ADGRF5: variants seen among roughly 807,000 people sequenced by gnomAD.
ADGRF5 encodes the protein G-protein coupled receptor 116.
In ADGRF5, 75 loss-of-function variants were observed where a neutral mutation model predicts 132.3. That is an observed-to-expected ratio of 0.57 (90% CI 0.47 to 0.69). The LOEUF (loss-of-function observed/expected upper bound fraction) is 0.69, where lower values mean the gene tolerates loss of function less well. Among genes scored for constraint, ADGRF5 ranks in the 30% least tolerant of loss-of-function variants. The pLI is 0.00. For missense variants in ADGRF5, 1,516 were observed against 1,630.6 expected, an observed-to-expected ratio of 0.93 and a Z score of 1.21; for synonymous variants, 629 against 597.6, an observed-to-expected ratio of 1.05 and a Z score of -0.77.
At chr6:46,862,808 A>T in intron 15 of ADGRF5, 80 bp downstream of exon 15, 1 of 881,112 alleles carries the variant, frequency 1.1e-6, no homozygotes, top group Non-Finnish European at 1.8e-6. Context: ...CACCAAACCC[A>T]TTTTCCTAAG....
At chr6:46,890,715 CA>C (rs554256966) in intron 3 of ADGRF5, among the ~76,000 whole-genome samples, 320 of 149,470 alleles carry the variant, frequency 2.1e-3, no homozygotes, top group African/African-American at 7.1e-3. Context: ...CACTCTATCT[CA>C]AAAAAAAGAA....
chr6:46,919,098 A>G (rs544057378), intron 1 of ADGRF5, among the ~76,000 whole-genome samples: 1 of 152,362 alleles, frequency 6.6e-6, no homozygotes, highest in Non-Finnish European at 1.5e-5. Flanking sequence ...GAACTTGCTA[A>G]TATCTGGACA....
chr6:46,950,735 G>T (rs557356920), intron 1 of ADGRF5, among the ~76,000 whole-genome samples: 2 of 152,218 alleles, frequency 1.3e-5, no homozygotes, highest in East Asian at 1.9e-4. Flanking sequence ...GGAAGGTCTC[G>T]ATCTCTTGAC....
At chr6:46,939,453 G>A (rs1415325704) in intron 1 of ADGRF5, among the ~76,000 whole-genome samples, 2 of 152,164 alleles carry the variant, frequency 1.3e-5, no homozygotes, top group Admixed American at 1.3e-4. Context: ...ATTAGTATAT[G>A]TGACTTCAAC....
chr6:46,900,725 T>A (rs1774673246), intron 2 of ADGRF5, among the ~76,000 whole-genome samples: 1 of 152,140 alleles, frequency 6.6e-6, no homozygotes, highest in African/African-American at 2.4e-5. Flanking sequence ...AGCTTCAGGG[T>A]TTTTTTCCTG....
intron 1 of ADGRF5, among the ~76,000 whole-genome samples, chr6:46,941,490 AAAAG>A (rs765108778): frequency 1.5e-4 from 23 of 150,362 alleles, no homozygotes; most frequent in Non-Finnish European, 2.5e-4. Flanking sequence ...GAAAAGAAAG[AAAAG>A]AAAGGCAGGC....
intron 1 of ADGRF5, among the ~76,000 whole-genome samples, chr6:46,930,507 T>G (rs1391507474): frequency 6.6e-6 from 1 of 151,938 alleles, no homozygotes; most frequent in South Asian, 2.1e-4. Context: ...AGGAGGACAA[T>G]GAGGGTAGAA....
chr6:46,900,688 C>T (rs1365957688), intron 2 of ADGRF5, among the ~76,000 whole-genome samples: 1 of 152,150 alleles, frequency 6.6e-6, no homozygotes, highest in Non-Finnish European at 1.5e-5. Flanking sequence ...GGCTTTGTGA[C>T]CTTGGGGAAG....
In ADGRF5 at chr6:46,878,374, A is replaced by T; in HGVS notation, c.1068T>A (p.Ile356=). ...TTTTCTTCTTGCACTCATATTCAAA[A>T]ATGTCTAATATCAGTTTGCAAACAT... ...GEYVCKLILD[I]FEYECKKKID... Residue 356 remains isoleucine (I), a synonymous_variant, in exon 10 of 21, where the codon ATT becomes ATA. Transcript: ENST00000283296. The T allele has an allele frequency of 6.2e-7, 1 of 1,610,372 alleles. No homozygotes were observed. The highest frequency in any genetic ancestry group is 1.1e-5 in the South Asian group (1 of 90,994).
chr6:46,915,502 A>G (rs1259797215), intron 1 of ADGRF5, among the ~76,000 whole-genome samples: 1 of 152,084 alleles, frequency 6.6e-6, no homozygotes, highest in Non-Finnish European at 1.5e-5. Context: ...AGTTATTTGC[A>G]ATGTGGCTTA....
intron 13 of ADGRF5, among the ~76,000 whole-genome samples, chr6:46,866,619 T>C (rs868156896): frequency 6.6e-6 from 1 of 152,130 alleles, no homozygotes; most frequent in Non-Finnish European, 1.5e-5. Context: ...CTTTATAGCA[T>C]GGAGGAAAAG....
chr6:46,884,070 G>T, intron 5 of ADGRF5, 25 bp downstream of exon 5: 1 of 1,595,702 alleles, frequency 6.3e-7, no homozygotes, highest in South Asian at 1.1e-5. Context: ...GCCACTCAAC[G>T]AGCATTTAAT....
intron 1 of ADGRF5, among the ~76,000 whole-genome samples, chr6:46,920,849 C>A (rs1197153263): frequency 6.6e-6 from 1 of 151,836 alleles, no homozygotes; most frequent in African/African-American, 2.4e-5. Context: ...GGCGACAGAG[C>A]AAGACTCCAT....
Position 46,872,020 on chromosome 6 carries a change from T to C in ADGRF5, c.1241-7A>G, listed in dbSNP as rs772134503. 1.3e-5 allele frequency: 21 copies of C among 1,576,520 alleles called. No homozygotes were observed. Among genetic ancestry groups the C allele is most frequent in the Non-Finnish European group, 1.7e-5 (20 of 1,153,940 alleles). ...ATGTCTGTCTCAGGGGTTCCTATAA[T>C]GAGAAGCAAATTGTTGCCATCCCAG... is the stretch of plus-strand genomic sequence containing the variant. On this transcript the variant is annotated splice_polypyrimidine_tract_variant and splice_region_variant and intron_variant, in intron 10 of 20. Transcript: ENST00000283296.
intron 2 of ADGRF5, among the ~76,000 whole-genome samples, chr6:46,901,180 C>T (rs538746863): frequency 2.6e-5 from 4 of 152,274 alleles, no homozygotes; most frequent in African/African-American, 7.2e-5. Flanking sequence ...AAAGAATAGG[C>T]ATTGATCAGT....
chr6:46,869,210 C>G, intron 11 of ADGRF5, 118 bp from the exon 12 acceptor site: 1 of 1,505,596 alleles, frequency 6.6e-7, no homozygotes, highest in Non-Finnish European at 8.8e-7. Context: ...AAAAATGAAC[C>G]ATCCTGACTC....
chr6:46,902,101 T>C (rs893700641), intron 2 of ADGRF5, among the ~76,000 whole-genome samples: 2 of 152,216 alleles, frequency 1.3e-5, no homozygotes, highest in African/African-American at 2.4e-5. Context: ...AGTGAAGTTA[T>C]TTTAGATGTA....
At position 46,858,821 on chromosome 6, in the gene ADGRF5, C is replaced by T. The variant is rs753738420; in HGVS notation, c.3082G>A (p.Ala1028Thr). The change falls in exon 17 of 21, where the codon GCA becomes ACA. Residue 1028 changes from alanine (A) to threonine (T), a missense_variant. Coordinates refer to ENST00000283296, the MANE Select transcript of ADGRF5 (RefSeq NM_001098518.2). The part of the protein sequence containing the change: ...VGVGFSILSL[A>T]ACLVVEAVVW... The stretch of plus-strand genomic sequence containing the variant: ...ACAGCTTCCACAACTAGACAGGCTG[C>T]CAAGCTCAAGATGGAAAAGCCCACC... 5.0e-6 allele frequency: 8 copies of T among 1,613,974 alleles called. No homozygotes were observed. Among genetic ancestry groups the T allele is most frequent in the Non-Finnish European group, 5.1e-6 (6 of 1,179,994 alleles).
At chr6:46,898,422 G>T (rs547367694) in intron 3 of ADGRF5, among the ~76,000 whole-genome samples, 1 of 152,192 alleles carries the variant, frequency 6.6e-6, no homozygotes, top group South Asian at 2.1e-4. Flanking sequence ...TCGGGATGGG[G>T]TAGAGGTAAT....
Sources: gnomAD v4.1 joint callset for allele counts (sites outside exome capture counted in the v4.1 genomes callset) on GRCh38, gnomAD v4.1.1 for gene constraint, MANE v1.5 for transcripts, NCBI Gene and HGNC (gene_info 2026-07-23, HGNC 2026-07-21) for gene names.